The following SEPTIN3 variants were observed in gnomAD, a reference collection of about 807,000 sequenced individuals.
SEPTIN3 encodes neuronal-specific septin-3.
Under a neutral mutation model 45.1 loss-of-function variants are expected in SEPTIN3, and 15 were observed. That is an observed-to-expected ratio of 0.33 (90% CI 0.22 to 0.51). SEPTIN3 has a LOEUF of 0.51. Ranked by LOEUF, SEPTIN3 falls within the 20% of genes least tolerant of loss-of-function variation. SEPTIN3 has a pLI of 0.97. For missense variants in SEPTIN3, 289 were observed against 457.2 expected (o/e 0.63, Z 3.35); for synonymous variants, 148 against 164.8 (o/e 0.90, Z 0.78).
At chr22:41,970,739 TAGCTTGGTGG>T (rs548982168) in intron 1 of SEPTIN3, among the ~76,000 whole-genome samples, 4 of 152,132 alleles carry the variant, frequency 2.6e-5, no homozygotes, top group Non-Finnish European at 5.9e-5. Context: ...CCCTAATGCT[TAGCTTGGTGG>T]AGCCCTGCCT....
At chr22:41,970,619 A>G (rs1481731886) in intron 1 of SEPTIN3, among the ~76,000 whole-genome samples, 1 of 152,080 alleles carries the variant, frequency 6.6e-6, no homozygotes, top group African/African-American at 2.4e-5. Flanking sequence ...TCCCTGCTAC[A>G]TACAGCCTAG....
In SEPTIN3 at chr22:41,986,132, C is replaced by A. The variant is rs1357317297; in HGVS notation, c.1825+20C>A. The A allele has an allele frequency of 1.9e-6, 3 of 1,610,552 alleles. No individual in the cohort carries two copies. Among genetic ancestry groups the A allele is most frequent in the South Asian group, 2.2e-5 (2 of 90,836 alleles). ...GGCATGGTGAGGACCAGGCAGGGAC[C>A]CCTATGGGCTTTGTTCAGTGAGTGC... On this transcript the variant is annotated intron_variant, in intron 4 of 11. Transcript: ENST00000644076.
At chr22:41,996,759 G>A (rs2078447930) in intron 11 of SEPTIN3, 143 bp from the exon 12 acceptor site, 1 of 1,520,584 alleles carries the variant, frequency 6.6e-7, no homozygotes, top group Non-Finnish European at 8.8e-7. Context: ...TATGGGCATG[G>A]GAGGTGGGCG....
intron 3 of SEPTIN3, 186 bp from the exon 4 acceptor site, chr22:41,985,798 C>G: frequency 3.6e-6 from 2 of 559,730 alleles, no homozygotes; most frequent in South Asian, 4.3e-5. Flanking sequence ...CCAAGGCCCT[C>G]TGCAGTAAGC....
At chr22:41,991,978 G>A (rs1300613266) in intron 8 of SEPTIN3, among the ~76,000 whole-genome samples, 1 of 152,246 alleles carries the variant, frequency 6.6e-6, no homozygotes, top group East Asian at 1.9e-4. Context: ...ATCAGGCTGG[G>A]GTCCAGGAGG....
At chr22:41,981,375 A>AACCT in intron 2 of SEPTIN3, 1 of 423,160 alleles carries the variant, frequency 2.4e-6, no homozygotes, top group Non-Finnish European at 4.2e-6. Context: ...CAGAGCAGTG[A>AACCT]GGTGCATTTG....
In SEPTIN3 at chr22:41,987,579, T is replaced by G. The variant is rs59189606; in HGVS notation, c.1908-43T>G. On this transcript the variant is annotated intron_variant, in intron 5 of 11. Coordinates refer to ENST00000644076, the MANE Select transcript of SEPTIN3 (RefSeq NM_001363845.2). ...GATCATGCCTAAGCTGAGCCCTAGG[T>G]CTTGTTCTTCTGATGCATCTATCTA... The G allele has an allele frequency of 2.5e-6, 4 of 1,590,384 alleles. No individual in the cohort carries two copies. The African/African-American group carries it at 5.4e-5, about 21-fold the overall frequency.
chr22:41,970,878 T>A (rs1263115864), intron 1 of SEPTIN3, among the ~76,000 whole-genome samples: 1 of 152,180 alleles, frequency 6.6e-6, no homozygotes, highest in East Asian at 1.9e-4. Context: ...CATCCTCACC[T>A]TCTCCAGGGC....
Position 41,971,759 on chromosome 22 carries a change from G to T in SEPTIN3, c.267G>T (p.Leu89=). 1 of 399,226 alleles carries T rather than the reference G, an allele frequency of 2.5e-6. No individual in the cohort carries two copies. 24.7% of individuals were successfully genotyped at this position (399,226 alleles called of 1,614,324 possible). ...SVPPQETGIA[L]GASLSPLPTS... is the part of the protein sequence containing the mutation. ...CCCCACAGGAGACGGGCATCGCTCTGGGGGCTTCCTTGAGCCCCCTGCCCA... is the reference window on the plus strand; with the variant it reads ...CCCCACAGGAGACGGGCATCGCTCTTGGGGCTTCCTTGAGCCCCCTGCCCA... Residue 89 remains leucine (L), a synonymous_variant, in exon 2 of 12, where the codon CTG becomes CTT. Coordinates refer to ENST00000644076, the MANE Select transcript of SEPTIN3 (RefSeq NM_001363845.2).
At chr22:41,979,363 AGTCT>A (rs1323558038) in intron 2 of SEPTIN3, among the ~76,000 whole-genome samples, 1 of 152,178 alleles carries the variant, frequency 6.6e-6, no homozygotes, top group Admixed American at 6.5e-5. Flanking sequence ...ATACTTTCCA[AGTCT>A]GTAAAATGGG....
chr22:41,987,375 T>C (rs1602417921), intron 5 of SEPTIN3, 88 bp downstream of exon 5: 2 of 1,281,530 alleles, frequency 1.6e-6, no homozygotes, highest in East Asian at 4.8e-5. Context: ...TTGAGAACCA[T>C]CTGCACCCTC....
chr22:41,973,655 A>G (rs1219442479), intron 2 of SEPTIN3, among the ~76,000 whole-genome samples: 2 of 149,420 alleles, frequency 1.3e-5, no homozygotes, highest in African/African-American at 5.0e-5. Flanking sequence ...CCTGGGCGAC[A>G]GAGCGAGACT....
At chr22:41,983,777 C>T (rs1379996846) in intron 3 of SEPTIN3, among the ~76,000 whole-genome samples, 1 of 152,342 alleles carries the variant, frequency 6.6e-6, no homozygotes, top group East Asian at 1.9e-4. Context: ...CTTGGCAATG[C>T]TGTTTCAATA....
Position 41,996,973 on chromosome 22 carries a change from A to G in SEPTIN3, c.*6A>G, listed in dbSNP as rs762965836. On this transcript the variant is annotated 3_prime_UTR_variant, in exon 12 of 12. Coordinates refer to ENST00000644076, the MANE Select transcript of SEPTIN3 (RefSeq NM_001363845.2). Reference sequence around the variant, plus strand: ...CCTGCCCCACTGCTGAATGAAGGCCATTTCAAGCGCTGCTTCTCACTCCAT... The same window carrying G: ...CCTGCCCCACTGCTGAATGAAGGCCGTTTCAAGCGCTGCTTCTCACTCCAT... 1 of 1,613,900 alleles carries G rather than the reference A, an allele frequency of 6.2e-7. No individual in the cohort carries two copies. The highest frequency in any genetic ancestry group is 1.1e-5 in the South Asian group (1 of 91,070).
At chr22:41,993,778 G>A (rs1035208591) in intron 9 of SEPTIN3, among the ~76,000 whole-genome samples, 7 of 152,210 alleles carry the variant, frequency 4.6e-5, no homozygotes, top group African/African-American at 1.2e-4. Flanking sequence ...ACAGGCATGA[G>A]CCACAGCGCC....
intron 3 of SEPTIN3, among the ~76,000 whole-genome samples, chr22:41,984,000 C>T (rs1034628984): frequency 4.6e-5 from 7 of 152,142 alleles, no homozygotes; most frequent in Non-Finnish European, 8.8e-5. Flanking sequence ...ATGGCAAATC[C>T]AACACCCGTG....
chr22:41,981,866 C>T, intron 3 of SEPTIN3, 30 bp downstream of exon 3: 2 of 1,598,318 alleles, frequency 1.3e-6, no homozygotes, highest in Non-Finnish European at 1.7e-6. Context: ...TGCTGCAGGC[C>T]TGGTGGCGGG....
In SEPTIN3 at chr22:41,994,045, T is replaced by G. The variant is rs776299717; in HGVS notation, c.2360-245T>G. Among the ~76,000 whole-genome samples the G allele has an allele frequency of 2.6e-5, 4 of 152,222 alleles. No individual in the cohort carries two copies. The highest frequency in any genetic ancestry group is 5.9e-5 in the Non-Finnish European group (4 of 68,042). On this transcript the variant is annotated intron_variant, in intron 9 of 11. Coordinates refer to ENST00000644076, the MANE Select transcript of SEPTIN3 (RefSeq NM_001363845.2). The surrounding 1 kb of genome is among the most constrained non-coding windows in gnomAD (Gnocchi z 4.2). ...TTCTATAAAATGGTAAAAATTATAG[T>G]CCCTCTTGGCTATTATGCCACAGCG...
intron 7 of SEPTIN3, among the ~76,000 whole-genome samples, chr22:41,990,790 G>A (rs2078301322): frequency 1.3e-5 from 2 of 151,234 alleles, no homozygotes; most frequent in African/African-American, 2.4e-5. Context: ...TTGGCTGGGG[G>A]CGGTGGCTCA....
Sources: gnomAD v4.1 joint callset for allele counts (sites outside exome capture counted in the v4.1 genomes callset) on GRCh38, gnomAD v4.1.1 for gene constraint, Gnocchi (gnomAD v3.1) non-coding constraint, MANE v1.5 for transcripts, NCBI Gene and HGNC (gene_info 2026-07-23, HGNC 2026-07-21) for gene names.